CNTNAP2: variants seen among roughly 807,000 people sequenced by gnomAD.
CNTNAP2 encodes the protein contactin associated protein 2, also known as contactin-associated protein-like 2.
A neutral mutation model predicts 155.2 loss-of-function variants in CNTNAP2; 98 were observed. The ratio of observed to expected loss-of-function variants is 0.63; its 90% confidence interval spans 0.54 to 0.75. The LOEUF is 0.75. CNTNAP2 is among the 30% of genes least tolerant of loss of function. CNTNAP2 has a pLI of 0.00. For missense variants in CNTNAP2, 1,727 were observed against 1,688.1 expected, an observed-to-expected ratio of 1.02 and a Z score of -0.40; for synonymous variants, 651 against 631.2, an observed-to-expected ratio of 1.03 and a Z score of -0.47.
chr7:147,801,737 A>C (rs1411174759), intron 13 of CNTNAP2, among the ~76,000 whole-genome samples: 2 of 152,160 alleles, frequency 1.3e-5, no homozygotes, highest in Non-Finnish European at 1.5e-5. Context: ...CTACACAGAC[A>C]CGGCAACCAT....
At chr7:147,178,542 T>G (rs4726824) in intron 8 of CNTNAP2, among the ~76,000 whole-genome samples, 58,190 of 151,972 alleles carry the variant, frequency 0.38, 12,217 homozygotes, top group East Asian at 0.62. Context: ...AGTATAACAT[T>G]CTGGAGTTTA....
chr7:147,894,736 T>C (rs1799748640), intron 13 of CNTNAP2, among the ~76,000 whole-genome samples: 1 of 152,020 alleles, frequency 6.6e-6, no homozygotes. Context: ...CTGGGTCTTA[T>C]CTCAGAGGGC....
intron 18 of CNTNAP2, among the ~76,000 whole-genome samples, chr7:148,192,928 T>G (rs1239853532): frequency 6.6e-6 from 1 of 152,196 alleles, no homozygotes; most frequent in Non-Finnish European, 1.5e-5. Flanking sequence ...AAGGGCCACA[T>G]GTGTCTTTCT....
At chr7:146,818,099 G>GT (rs967476712) in intron 2 of CNTNAP2, among the ~76,000 whole-genome samples, 3 of 151,954 alleles carry the variant, frequency 2.0e-5, no homozygotes, top group Non-Finnish European at 4.4e-5. Context: ...TGTTTATAGT[G>GT]TTTTTTCTCA....
intron 14 of CNTNAP2, among the ~76,000 whole-genome samples, chr7:147,939,657 A>G (rs539290664): frequency 4.6e-5 from 7 of 152,282 alleles, no homozygotes; most frequent in African/African-American, 1.4e-4. Context: ...ACAAGCCTGT[A>G]GTTCTAGCAG....
At chr7:147,295,034 T>C (rs1805407011) in intron 8 of CNTNAP2, among the ~76,000 whole-genome samples, 2 of 152,222 alleles carry the variant, frequency 1.3e-5, no homozygotes, top group Non-Finnish European at 2.9e-5. Flanking sequence ...CATGTTTTTG[T>C]CTTAATAATA....
chr7:147,806,530 A>C (rs1798094901), intron 13 of CNTNAP2, among the ~76,000 whole-genome samples: 1 of 152,230 alleles, frequency 6.6e-6, no homozygotes. Flanking sequence ...TCAGTATTTC[A>C]AAAAGGTATC....
chr7:148,379,386 A>G (rs1637854), intron 21 of CNTNAP2, among the ~76,000 whole-genome samples: 108,727 of 151,974 alleles, frequency 0.72, 40,053 homozygotes, highest in Admixed American at 0.81. Flanking sequence ...AAAAGAAGAA[A>G]TCTCCTTTGA....
intron 13 of CNTNAP2, among the ~76,000 whole-genome samples, chr7:147,890,030 A>T (rs1414683563): frequency 6.6e-6 from 1 of 151,966 alleles, no homozygotes; most frequent in Non-Finnish European, 1.5e-5. Context: ...AGCTAAAAAG[A>T]CACTTTTACA....
At chr7:148,286,536 A>G (rs1398058109) in intron 21 of CNTNAP2, among the ~76,000 whole-genome samples, 1 of 152,240 alleles carries the variant, frequency 6.6e-6, no homozygotes, top group Non-Finnish European at 1.5e-5. Context: ...ATTTTTTAAA[A>G]CACTGTAAGT....
intron 1 of CNTNAP2, among the ~76,000 whole-genome samples, chr7:146,347,304 C>T (rs1254340288): frequency 1.3e-5 from 2 of 152,028 alleles, no homozygotes; most frequent in Admixed American, 1.3e-4. Flanking sequence ...GGGAGTAGAG[C>T]CCAGGCAGAT....
chr7:148,147,989 C>T (rs1305194786), intron 17 of CNTNAP2, among the ~76,000 whole-genome samples: 1 of 148,272 alleles, frequency 6.7e-6, no homozygotes, highest in Non-Finnish European at 1.5e-5. Context: ...CTAATATCTG[C>T]AATTTTAGGT....
intron 14 of CNTNAP2, among the ~76,000 whole-genome samples, chr7:147,960,012 C>A (rs1585049428): frequency 6.6e-6 from 1 of 152,106 alleles, no homozygotes; most frequent in African/African-American, 2.4e-5. Context: ...AGCCTCAGCA[C>A]CTCGACTCTC....
At chr7:146,426,185 CA>C (rs57484419) in intron 1 of CNTNAP2, among the ~76,000 whole-genome samples, 6,462 of 54,504 alleles carry the variant, frequency 0.12, 79 homozygotes, top group South Asian at 0.16. Flanking sequence ...GACTTCGCCT[CA>C]AAAAAAAAAA....
chr7:146,576,234 A>C (rs1467053430), intron 1 of CNTNAP2, among the ~76,000 whole-genome samples: 1 of 152,220 alleles, frequency 6.6e-6, no homozygotes, highest in Non-Finnish European at 1.5e-5. Flanking sequence ...GGTTGCCATT[A>C]GAGTTTTATC....
At chr7:146,451,801 G>T (rs1295086801) in intron 1 of CNTNAP2, among the ~76,000 whole-genome samples, 3 of 83,660 alleles carry the variant, frequency 3.6e-5, no homozygotes, top group Admixed American at 1.4e-4. Flanking sequence ...AAGAAATAAG[G>T]TCTCTTCTAT....
intron 1 of CNTNAP2, among the ~76,000 whole-genome samples, chr7:146,548,458 G>A (rs569448276): frequency 6.6e-6 from 1 of 151,906 alleles, no homozygotes; most frequent in Non-Finnish European, 1.5e-5. Flanking sequence ...CCATTACTGG[G>A]TATATACCCA....
At chr7:148,079,527 T>C (rs1803557493) in intron 15 of CNTNAP2, among the ~76,000 whole-genome samples, 1 of 152,104 alleles carries the variant, frequency 6.6e-6, no homozygotes, top group African/African-American at 2.4e-5. Flanking sequence ...CTTATCAGAC[T>C]TAAAAAGGTG....
At chr7:147,013,479 A>G (rs1237832597) in intron 3 of CNTNAP2, among the ~76,000 whole-genome samples, 1 of 152,080 alleles carries the variant, frequency 6.6e-6, no homozygotes, top group East Asian at 1.9e-4. Flanking sequence ...ACTGTCCCTA[A>G]AAACTCAGTC....
Sources: gnomAD v4.1 joint callset for allele counts (sites outside exome capture counted in the v4.1 genomes callset) on GRCh38, gnomAD v4.1.1 for gene constraint, MANE v1.5 for transcripts, NCBI Gene and HGNC (gene_info 2026-07-23, HGNC 2026-07-21) for gene names.